Variants in GPC5 observed in about 807,000 individuals in gnomAD.
GPC5 encodes glypican-5.
A neutral mutation model predicts 53.9 loss-of-function variants in GPC5; 47 were observed. The ratio of observed to expected loss-of-function variants is 0.87; its 90% CI spans 0.69 to 1.11. The LOEUF is 1.11. GPC5 is among the 50% of genes most tolerant of loss of function. The pLI is 0.00. For synonymous variants in GPC5, 286 were observed against 263.3 expected (o/e 1.09, Z -0.84); for missense variants, 748 against 713.1 (o/e 1.05, Z -0.56).
At chr13:92,168,488 G>T (rs2042047213) in intron 7 of GPC5, among the ~76,000 whole-genome samples, 1 of 151,906 alleles carries the variant, frequency 6.6e-6, no homozygotes, top group African/African-American at 2.4e-5. Context: ...AAATTTACAA[G>T]AAAAAAGCAA....
intron 7 of GPC5, among the ~76,000 whole-genome samples, chr13:92,757,045 C>G (rs975342872): frequency 7.9e-5 from 12 of 151,684 alleles, no homozygotes; most frequent in Admixed American, 7.2e-4. Flanking sequence ...GCCAAAAGAA[C>G]AAAGCTGGAG....
chr13:91,908,553 G>A (rs1055546450), intron 6 of GPC5, among the ~76,000 whole-genome samples: 2 of 151,924 alleles, frequency 1.3e-5, no homozygotes, highest in Non-Finnish European at 2.9e-5. Context: ...CTAGCTAATG[G>A]TTGTTTATGA....
intron 6 of GPC5, among the ~76,000 whole-genome samples, chr13:92,088,382 G>A (rs2041352654): frequency 6.6e-6 from 1 of 152,118 alleles, no homozygotes; most frequent in South Asian, 2.1e-4. Flanking sequence ...TGGATTGGGG[G>A]ACGGGGGAAA....
At chr13:91,677,432 A>G (rs2035409298) in intron 2 of GPC5, among the ~76,000 whole-genome samples, 2 of 152,222 alleles carry the variant, frequency 1.3e-5, no homozygotes, top group East Asian at 3.8e-4. Flanking sequence ...TATTTTGATT[A>G]AATTAGATAT....
At chr13:91,669,429 G>T (rs1269640653) in intron 2 of GPC5, among the ~76,000 whole-genome samples, 1 of 152,156 alleles carries the variant, frequency 6.6e-6, no homozygotes, top group Non-Finnish European at 1.5e-5. Context: ...TTGATCAGGG[G>T]ATGGTTAACA....
At chr13:92,401,235 A>G (rs753259464) in intron 7 of GPC5, among the ~76,000 whole-genome samples, 10 of 150,686 alleles carry the variant, frequency 6.6e-5, no homozygotes, top group Non-Finnish European at 1.0e-4. Flanking sequence ...GGTCTTCTCC[A>G]TAATACTTAA....
At chr13:92,350,258 G>A (rs2043464838) in intron 7 of GPC5, among the ~76,000 whole-genome samples, 1 of 152,010 alleles carries the variant, frequency 6.6e-6, no homozygotes, top group Non-Finnish European at 1.5e-5. Context: ...CCATATATGA[G>A]AAGTCCACAG....
At chr13:91,863,826 T>C (rs1049487712) in intron 5 of GPC5, among the ~76,000 whole-genome samples, 1 of 152,178 alleles carries the variant, frequency 6.6e-6, no homozygotes, top group African/African-American at 2.4e-5. Flanking sequence ...CTCTCCCCTT[T>C]TAATGATTAA....
chr13:92,031,812 A>G lies in GPC5; in HGVS notation c.1402-113018A>G, dbSNP rs759362510. On this transcript the variant is annotated intron_variant, in intron 6 of 7. Transcript: ENST00000377067. ...ACATATTATATATAATATATAATAT[A>G]TTACATATTATATATAATATATAAT... Among the ~76,000 whole-genome samples, 51 of 101,956 alleles carry G rather than the reference A, an allele frequency of 5.0e-4. 1 individual carries two copies. The Middle Eastern group carries it at 0.013, about 26-fold the overall frequency. The allele number at this position is 101,956 out of a possible 152,430, so 66.9% of individuals were successfully genotyped here.
intron 2 of GPC5, among the ~76,000 whole-genome samples, chr13:91,592,587 G>T (rs1192958959): frequency 6.6e-6 from 1 of 152,162 alleles, no homozygotes; most frequent in African/African-American, 2.4e-5. Flanking sequence ...GAGACTGTGG[G>T]CTCCTCTCCT....
At chr13:91,854,424 A>G (rs866566486) in intron 5 of GPC5, among the ~76,000 whole-genome samples, 12 of 151,902 alleles carry the variant, frequency 7.9e-5, no homozygotes, top group Middle Eastern at 3.4e-3. Flanking sequence ...ATTTTAAAAT[A>G]TACAATTAAA....
chr13:92,470,351 T>C (rs934532577), intron 7 of GPC5, among the ~76,000 whole-genome samples: 3 of 152,172 alleles, frequency 2.0e-5, no homozygotes, highest in African/African-American at 7.2e-5. Flanking sequence ...GAACACGATA[T>C]TGACTTTCTT....
At chr13:91,665,656 C>G (rs2035094205) in intron 2 of GPC5, among the ~76,000 whole-genome samples, 1 of 152,106 alleles carries the variant, frequency 6.6e-6, no homozygotes, top group South Asian at 2.1e-4. Flanking sequence ...GCGCCCACCA[C>G]CACACCCCGC....
intron 1 of GPC5, among the ~76,000 whole-genome samples, chr13:91,424,603 G>T (rs1161626694): frequency 6.6e-6 from 1 of 152,052 alleles, no homozygotes; most frequent in Admixed American, 6.6e-5. Context: ...CTGACCTCAG[G>T]TGATCCACCC....
chr13:92,791,424 T>TGGGGGGGGGGGG (rs60469699), intron 7 of GPC5, among the ~76,000 whole-genome samples: 2 of 66,358 alleles, frequency 3.0e-5, no homozygotes, highest in Admixed American at 1.7e-4. Flanking sequence ...TGTGAGTGTG[T>TGGGGGGGGGGGG]GGGGGGGGGC....
At chr13:91,702,234 C>T (rs1171207253) in intron 3 of GPC5, among the ~76,000 whole-genome samples, 3 of 152,046 alleles carry the variant, frequency 2.0e-5, no homozygotes, top group African/African-American at 4.8e-5. Context: ...TTCCCTTATT[C>T]CACAGGTTGT....
At chr13:92,762,357 A>G (rs1430998555) in intron 7 of GPC5, among the ~76,000 whole-genome samples, 1 of 152,154 alleles carries the variant, frequency 6.6e-6, no homozygotes, top group African/African-American at 2.4e-5. Context: ...TAACTATAAG[A>G]AGGTTTATGT....
chr13:92,215,802 A>C, intron 7 of GPC5, among the ~76,000 whole-genome samples: 1 of 152,112 alleles, frequency 6.6e-6, no homozygotes, highest in East Asian at 1.9e-4. Flanking sequence ...ACCACGTAAG[A>C]AGTCTCATGT....
chr13:92,178,929 C>T (rs1483685824), intron 7 of GPC5, among the ~76,000 whole-genome samples: 1 of 152,110 alleles, frequency 6.6e-6, no homozygotes, highest in African/African-American at 2.4e-5. Context: ...CAAGATTGCA[C>T]CTCTGTACTC....
Sources: gnomAD v4.1 joint callset for allele counts (sites outside exome capture counted in the v4.1 genomes callset) on GRCh38, gnomAD v4.1.1 for gene constraint, MANE v1.5 for transcripts, NCBI Gene and HGNC (gene_info 2026-07-23, HGNC 2026-07-21) for gene names.